Variants in SPATS2L observed in about 807,000 individuals in gnomAD.
SPATS2L encodes spermatogenesis associated serine rich 2 like, also known as SPATS2-like protein.
In SPATS2L, 30 loss-of-function variants were observed where a neutral mutation model predicts 59.6. The ratio of observed to expected loss-of-function variants is 0.50; its 90% CI spans 0.38 to 0.68. SPATS2L has a LOEUF of 0.68. SPATS2L is among the 30% of genes least tolerant of loss of function. SPATS2L has a pLI of 0.00. For synonymous variants in SPATS2L, 252 were observed against 263.5 expected, an observed-to-expected ratio of 0.96 and a Z score of 0.42; for missense variants, 615 against 700.0, an observed-to-expected ratio of 0.88 and a Z score of 1.37.
intron 2 of SPATS2L, among the ~76,000 whole-genome samples, chr2:200,361,966 T>G (rs1023746723): frequency 6.6e-6 from 1 of 152,130 alleles, no homozygotes; most frequent in Non-Finnish European, 1.5e-5. Context: ...CAGGGCCAGA[T>G]GTGGTGGCTC....
intron 1 of SPATS2L, among the ~76,000 whole-genome samples, chr2:200,319,296 T>G (rs2079480977): frequency 6.6e-6 from 1 of 152,224 alleles, no homozygotes; most frequent in African/African-American, 2.4e-5. Context: ...CCGGATGTTA[T>G]GGCTCACGCC....
intron 3 of SPATS2L, among the ~76,000 whole-genome samples, chr2:200,405,952 T>C (rs1441358465): frequency 2.6e-5 from 4 of 152,244 alleles, no homozygotes; most frequent in African/African-American, 9.6e-5. Context: ...TAGTGTGTAA[T>C]ACTTAATTCT....
At chr2:200,340,209 T>C (rs1574438885) in intron 2 of SPATS2L, among the ~76,000 whole-genome samples, 1 of 152,206 alleles carries the variant, frequency 6.6e-6, no homozygotes, top group East Asian at 1.9e-4. Flanking sequence ...CTCTGAAGTA[T>C]GCTGTGCTCG....
chr2:200,373,130 T>C (rs1228047893), intron 2 of SPATS2L: 2 of 152,170 alleles, frequency 1.3e-5, no homozygotes, highest in Non-Finnish European at 2.9e-5. Flanking sequence ...AATTAATTTT[T>C]CCCCACCATA....
intron 5 of SPATS2L, 28 bp downstream of exon 5, chr2:200,416,456 T>C (rs1046201944): frequency 1.6e-6 from 2 of 1,272,326 alleles, no homozygotes; most frequent in African/African-American, 1.5e-5. Flanking sequence ...TGTAAATTGG[T>C]AACATCTTCA....
At chr2:200,373,646 C>A (rs2081505952) in intron 2 of SPATS2L, among the ~76,000 whole-genome samples, 1 of 152,084 alleles carries the variant, frequency 6.6e-6, no homozygotes, top group Non-Finnish European at 1.5e-5. Flanking sequence ...GATGTAAAAT[C>A]AGGTAAAAAT....
chr2:200,436,406 C>CA (rs2084296052), intron 6 of SPATS2L, among the ~76,000 whole-genome samples: 1 of 152,128 alleles, frequency 6.6e-6, no homozygotes, highest in South Asian at 2.1e-4. Context: ...GTCAGACATA[C>CA]ATGCATATAT....
chr2:200,418,981 A>G (rs536101446), intron 5 of SPATS2L, among the ~76,000 whole-genome samples: 3 of 152,332 alleles, frequency 2.0e-5, no homozygotes, highest in East Asian at 1.9e-4. Context: ...TATGTCAGCT[A>G]TTTAAGCCAT....
chr2:200,465,670 G>A (rs2086542991), intron 9 of SPATS2L, among the ~76,000 whole-genome samples: 1 of 152,224 alleles, frequency 6.6e-6, no homozygotes, highest in Non-Finnish European at 1.5e-5. Context: ...TAGTTTGGCA[G>A]ATGATAAAGC....
intron 1 of SPATS2L, among the ~76,000 whole-genome samples, chr2:200,322,356 C>A (rs183360882): frequency 3.3e-5 from 5 of 152,254 alleles, no homozygotes; most frequent in Admixed American, 6.5e-5. Flanking sequence ...TAAGCAATAA[C>A]AACAGCCAAA....
chr2:200,427,868 G>A (rs1403296608), intron 6 of SPATS2L, among the ~76,000 whole-genome samples: 1 of 151,922 alleles, frequency 6.6e-6, no homozygotes. Context: ...ATGAGAGAAT[G>A]GTTTTCTTAG....
At chr2:200,344,859 G>A (rs2080459242) in intron 2 of SPATS2L, among the ~76,000 whole-genome samples, 1 of 152,036 alleles carries the variant, frequency 6.6e-6, no homozygotes, top group Non-Finnish European at 1.5e-5. Context: ...TTGTGGGCAT[G>A]TATGTCTCCT....
chr2:200,371,269 T>G (rs2081418059), intron 2 of SPATS2L, among the ~76,000 whole-genome samples: 1 of 152,124 alleles, frequency 6.6e-6, no homozygotes, highest in Admixed American at 6.5e-5. Context: ...ATAAAGTTCT[T>G]TCCAACTCTG....
At position 200,478,183 on chromosome 2, in the gene SPATS2L, A is replaced by C; in HGVS notation, c.*152A>C. 1 of 690,568 alleles carries C rather than the reference A, an allele frequency of 1.4e-6. No homozygotes were observed. Among genetic ancestry groups the C allele is most frequent in the Non-Finnish European group, 2.1e-6 (1 of 465,768 alleles). The allele number at this position is 690,568 out of a possible 1,614,324, so 42.8% of individuals were successfully genotyped here. A position where few individuals can be genotyped will look rare whatever the true frequency, so the allele number is the denominator to read the frequency against. ...ATCATTTTTACTAATTCTAATAATCAGCTCTAGCTTGCTTCATAATTTTCA... is the reference window on the plus strand; with the variant it reads ...ATCATTTTTACTAATTCTAATAATCCGCTCTAGCTTGCTTCATAATTTTCA... On this transcript the variant is annotated 3_prime_UTR_variant, in exon 13 of 13. Transcript: ENST00000409140.
At chr2:200,415,673 T>G (rs1031633182) in intron 4 of SPATS2L, among the ~76,000 whole-genome samples, 10 of 152,008 alleles carry the variant, frequency 6.6e-5, no homozygotes, top group South Asian at 2.1e-4. Flanking sequence ...TAATTAGGCA[T>G]TTAATTTATA....
chr2:200,430,235 T>G (rs912984559), intron 6 of SPATS2L, among the ~76,000 whole-genome samples: 1 of 152,192 alleles, frequency 6.6e-6, no homozygotes, highest in African/African-American at 2.4e-5. Flanking sequence ...TCTCATTATC[T>G]CTATTGAATT....
At chr2:200,464,015 C>T (rs914999818) in intron 9 of SPATS2L, among the ~76,000 whole-genome samples, 1 of 152,224 alleles carries the variant, frequency 6.6e-6, no homozygotes, top group African/African-American at 2.4e-5. Context: ...TGGATTTCAG[C>T]TTACCAGATA....
chr2:200,389,337 TC>T, intron 3 of SPATS2L, 54 bp downstream of exon 3: 1 of 1,299,860 alleles, frequency 7.7e-7, no homozygotes, highest in South Asian at 1.3e-5. Flanking sequence ...GTAATGCAGT[TC>T]CTAGCAGGTA....
intron 2 of SPATS2L, among the ~76,000 whole-genome samples, chr2:200,349,416 G>A (rs113209175): frequency 2.7e-3 from 405 of 152,308 alleles, no homozygotes; most frequent in Non-Finnish European, 4.6e-3. Flanking sequence ...CAGGTGGATC[G>A]TTTGAGGTCA....
Sources: gnomAD v4.1 joint callset for allele counts (sites outside exome capture counted in the v4.1 genomes callset) on GRCh38, gnomAD v4.1.1 for gene constraint, MANE v1.5 for transcripts, NCBI Gene and HGNC (gene_info 2026-07-23, HGNC 2026-07-21) for gene names.